The following ARHGAP28 variants were observed in gnomAD, a reference collection of about 807,000 sequenced individuals.
ARHGAP28 encodes rho GTPase-activating protein 28.
Under a neutral mutation model 90.7 loss-of-function variants are expected in ARHGAP28, and 56 were observed. The ratio of observed to expected loss-of-function variants is 0.62; its 90% confidence interval spans 0.50 to 0.77. ARHGAP28 has a LOEUF of 0.77. Ranked by LOEUF, ARHGAP28 falls within the 30% of genes least tolerant of loss-of-function variation. The probability of loss-of-function intolerance (pLI) is 0.00; values close to 1 mark genes in which losing one functional copy is unlikely to be tolerated. For synonymous variants in ARHGAP28, 308 were observed against 323.3 expected (o/e 0.95, Z 0.51); for missense variants, 869 against 900.9 (o/e 0.96, Z 0.45).
chr18:6,910,560 C>T (rs1340149091), intron 17 of ARHGAP28, among the ~76,000 whole-genome samples: 1 of 152,134 alleles, frequency 6.6e-6, no homozygotes, highest in East Asian at 1.9e-4. Context: ...TCCCTGGTCT[C>T]TGCCAGGTCT....
At chr18:6,878,276 A>G (rs1326292502) in intron 10 of ARHGAP28, among the ~76,000 whole-genome samples, 1 of 146,980 alleles carries the variant, frequency 6.8e-6, no homozygotes, top group East Asian at 2.0e-4. Flanking sequence ...GTTCTCACTC[A>G]TAGATGGAAA....
intron 16 of ARHGAP28, among the ~76,000 whole-genome samples, chr18:6,905,788 C>A (rs1193495043): frequency 6.6e-6 from 1 of 152,096 alleles, no homozygotes; most frequent in Non-Finnish European, 1.5e-5. Context: ...ACACAATACC[C>A]TTTACAGTCA....
chr18:6,907,745 G>A (rs2057371847), intron 16 of ARHGAP28, among the ~76,000 whole-genome samples: 1 of 152,086 alleles, frequency 6.6e-6, no homozygotes, highest in South Asian at 2.1e-4. Context: ...TCCCTGAATG[G>A]GTGTCAACAT....
intron 1 of ARHGAP28, among the ~76,000 whole-genome samples, chr18:6,797,081 C>T (rs961647134): frequency 3.9e-5 from 6 of 152,118 alleles, no homozygotes; most frequent in Admixed American, 3.9e-4. Context: ...GACTTTGGGG[C>T]TCTATTTGTT....
intron 1 of ARHGAP28, among the ~76,000 whole-genome samples, chr18:6,735,107 G>A (rs563175152): frequency 4.6e-5 from 7 of 152,088 alleles, no homozygotes; most frequent in Non-Finnish European, 7.4e-5. Context: ...TTGTAGAATC[G>A]CCTTATGTAG....
At chr18:6,776,512 TGGTCTCGA>T (rs910324338) in intron 1 of ARHGAP28, among the ~76,000 whole-genome samples, 49 of 152,328 alleles carry the variant, frequency 3.2e-4, no homozygotes, top group African/African-American at 1.1e-3. Flanking sequence ...GTAAGACTGC[TGGTCTCGA>T]GCTCAAGTGA....
chr18:6,896,694 G>A (rs911909983), intron 16 of ARHGAP28, 68 bp downstream of exon 16: 83 of 1,571,376 alleles, frequency 5.3e-5, no homozygotes, highest in Non-Finnish European at 7.0e-5. Flanking sequence ...TAACTTTCTA[G>A]GCATTTACAA....
At chr18:6,876,455 C>A (rs981761886) in intron 10 of ARHGAP28, among the ~76,000 whole-genome samples, 1 of 152,176 alleles carries the variant, frequency 6.6e-6, no homozygotes, top group Admixed American at 6.5e-5. Flanking sequence ...AATTCACCAT[C>A]AAAAACTGCT....
chr18:6,884,457 A>G (rs539068421), intron 11 of ARHGAP28, among the ~76,000 whole-genome samples: 6 of 152,344 alleles, frequency 3.9e-5, no homozygotes, highest in African/African-American at 1.4e-4. Flanking sequence ...AGAATGGGTT[A>G]CACTTTCCTT....
chr18:6,809,320 G>A (rs552268898), intron 1 of ARHGAP28, among the ~76,000 whole-genome samples: 2 of 152,138 alleles, frequency 1.3e-5, no homozygotes, highest in East Asian at 1.9e-4. Flanking sequence ...TTTAACCTAC[G>A]TACCTGCACA....
intron 3 of ARHGAP28, among the ~76,000 whole-genome samples, chr18:6,839,459 A>C (rs755851318): frequency 1.4e-4 from 21 of 151,870 alleles, no homozygotes; most frequent in Non-Finnish European, 2.5e-4. Flanking sequence ...ACGCCTGGCT[A>C]ATTTTGTTTT....
intron 1 of ARHGAP28, among the ~76,000 whole-genome samples, chr18:6,797,512 C>T (rs190259772): frequency 9.2e-5 from 14 of 152,300 alleles, no homozygotes; most frequent in Admixed American, 6.5e-4. Context: ...TCCCTCTTCC[C>T]GGTCTTCTGT....
At chr18:6,797,872 G>A (rs2056453125) in intron 1 of ARHGAP28, among the ~76,000 whole-genome samples, 3 of 152,142 alleles carry the variant, frequency 2.0e-5, no homozygotes, top group Non-Finnish European at 4.4e-5. Context: ...ATGTTGGTCA[G>A]GCTGGTCTCG....
At chr18:6,737,661 G>C (rs1192142290) in intron 1 of ARHGAP28, among the ~76,000 whole-genome samples, 1 of 152,110 alleles carries the variant, frequency 6.6e-6, no homozygotes, top group Admixed American at 6.5e-5. Flanking sequence ...TATTGAGTTA[G>C]TGAGTTTTTC....
intron 1 of ARHGAP28, among the ~76,000 whole-genome samples, chr18:6,812,368 C>T (rs532106152): frequency 5.3e-5 from 8 of 152,118 alleles, no homozygotes; most frequent in Non-Finnish European, 1.0e-4. Context: ...TCTTATTTCT[C>T]TGTGTTTTTA....
At position 6,799,429 on chromosome 18, in the gene ARHGAP28, G is replaced by A. The variant is rs2056465647; in HGVS notation, c.123-25333G>A. 1.3e-5 allele frequency among the ~76,000 whole-genome samples: 2 copies of A among 152,108 alleles called. 1 individual carries two copies. The highest frequency in any genetic ancestry group is 4.2e-4 in the South Asian group (2 of 4,818). On this transcript the variant is annotated intron_variant, in intron 1 of 17. Transcript: ENST00000383472. Reference sequence around the variant, plus strand: ...ACCAAAAAAGAGCCCATATAGCCAAGACAATCCTAAGCAAAAAGAACAAAG... The same window carrying A: ...ACCAAAAAAGAGCCCATATAGCCAAAACAATCCTAAGCAAAAAGAACAAAG...
At chr18:6,744,812 G>A (rs542153471) in intron 1 of ARHGAP28, among the ~76,000 whole-genome samples, 1 of 152,114 alleles carries the variant, frequency 6.6e-6, no homozygotes, top group East Asian at 1.9e-4. Context: ...TTAATTAATA[G>A]GAATTTTAGG....
At chr18:6,831,995 C>T (rs1298445342) in intron 2 of ARHGAP28, among the ~76,000 whole-genome samples, 1 of 152,010 alleles carries the variant, frequency 6.6e-6, no homozygotes, top group Non-Finnish European at 1.5e-5. Context: ...GTAAAATCTA[C>T]ATCTCCTTTT....
chr18:6,859,565 G>A (rs2056981536), intron 4 of ARHGAP28, among the ~76,000 whole-genome samples: 2 of 152,192 alleles, frequency 1.3e-5, no homozygotes. Flanking sequence ...ATACTGTTAA[G>A]GCAAATGGAG....
Sources: gnomAD v4.1 joint callset for allele counts (sites outside exome capture counted in the v4.1 genomes callset) on GRCh38, gnomAD v4.1.1 for gene constraint, MANE v1.5 for transcripts, NCBI Gene and HGNC (gene_info 2026-07-23, HGNC 2026-07-21) for gene names.